The following KIAA0586 variants were observed in gnomAD, a reference collection of about 807,000 sequenced individuals.
The protein encoded by KIAA0586 is protein TALPID3.
In KIAA0586, 144 loss-of-function variants were observed where a neutral mutation model predicts 169.8. The ratio of observed to expected loss-of-function variants is 0.85; its 90% CI spans 0.74 to 0.97. KIAA0586 has a LOEUF of 0.97. Among genes scored for constraint, KIAA0586 ranks in the 50% least tolerant of loss-of-function variants. KIAA0586 has a pLI of 0.00. For missense variants in KIAA0586, 1,854 were observed against 1,823.0 expected, an observed-to-expected ratio of 1.02 and a Z score of -0.31; for synonymous variants, 625 against 612.4, an observed-to-expected ratio of 1.02 and a Z score of -0.30.
At chr14:58,545,696 A>G (rs573138591) in intron 30 of KIAA0586, among the ~76,000 whole-genome samples, 18 of 152,246 alleles carry the variant, frequency 1.2e-4, no homozygotes, top group African/African-American at 4.1e-4. Context: ...TTTAAATATT[A>G]TATATTATTA....
intron 29 of KIAA0586, among the ~76,000 whole-genome samples, chr14:58,519,819 C>G (rs1392048716): frequency 1.3e-5 from 2 of 151,976 alleles, no homozygotes; most frequent in African/African-American, 2.4e-5. Context: ...TGCTATTAAC[C>G]CCAAACAACA....
At chr14:58,561,857 A>T in the KIAA0586 span, among the ~76,000 whole-genome samples, 1 of 151,722 alleles carries the variant, frequency 6.6e-6, no homozygotes, top group East Asian at 1.9e-4. Flanking sequence ...TCCTCTGGAG[A>T]CTAAATTAGA....
intron 29 of KIAA0586, chr14:58,521,180 A>T: frequency 2.9e-6 from 2 of 689,548 alleles, no homozygotes; most frequent in Admixed American, 2.4e-5. Flanking sequence ...TTTGATCTTC[A>T]GCTACATTTT....
Position 58,547,859 on chromosome 14 carries a change from AG to A in KIAA0586, c.4576del (p.Asp1526ThrfsTer6). On this transcript the variant is annotated frameshift_variant, in exon 31 of 31. Coordinates refer to ENST00000652326, the MANE Select transcript of KIAA0586 (RefSeq NM_001329943.3). LOFTEE classifies it high-confidence loss of function. ...MSVMLPSVNL[E>X]DCSQSLSLST... is the part of the protein sequence containing the mutation. ...GTGATGCTGCCGTCAGTGAACCTCG[AG>A]GACTGCTCTCAGTCTCTGAGTCTCA... 1 of 1,613,796 alleles carries A rather than the reference AG, an allele frequency of 6.2e-7. No individual in the cohort carries two copies. The highest frequency in any genetic ancestry group is 8.5e-7 in the Non-Finnish European group (1 of 1,179,738).
Position 58,507,406 on chromosome 14 carries a change from AAT to A in KIAA0586, c.4169-1140_4169-1139del, listed in dbSNP as rs758057081. On this transcript the variant is annotated intron_variant, in intron 27 of 30. Transcript: ENST00000652326. ...ATATGATTTATGTATATAAATTTTA[AAT>A]ATATATATTTAAAACTTAATTTGCA... is the stretch of plus-strand genomic sequence containing the variant. Among the ~76,000 whole-genome samples the A allele has an allele frequency of 2.2e-3, 319 of 147,922 alleles. 2 individuals carry two copies. The highest frequency in any genetic ancestry group is 3.0e-3 in the Non-Finnish European group (201 of 67,198).
chr14:58,528,486 G>T (rs561609941), intron 29 of KIAA0586, among the ~76,000 whole-genome samples: 21 of 152,244 alleles, frequency 1.4e-4, no homozygotes, highest in African/African-American at 5.1e-4. Context: ...CAAAAGAACA[G>T]AAATCATAAT....
intron 20 of KIAA0586, among the ~76,000 whole-genome samples, chr14:58,479,695 T>A (rs2041896290): frequency 6.6e-6 from 1 of 152,220 alleles, no homozygotes; most frequent in Non-Finnish European, 1.5e-5. Flanking sequence ...AGTTAAGTTT[T>A]ATGGTGTGAA....
intron 14 of KIAA0586, 112 bp from the exon 15 acceptor site, chr14:58,465,722 TA>T: frequency 1.6e-6 from 1 of 636,278 alleles, no homozygotes; most frequent in Non-Finnish European, 2.6e-6. Flanking sequence ...TGGGGCCTTG[TA>T]ACCTTATATA....
At chr14:58,484,904 A>ATATATATTTTTATATATATATATATC (rs1566876980) in intron 21 of KIAA0586, among the ~76,000 whole-genome samples, 1 of 4,204 alleles carries the variant, frequency 2.4e-4, no homozygotes, top group Admixed American at 9.1e-3. Flanking sequence ...ATATATATAT[A>ATATATATTTTTATATATATATATATC]TATATATATA....
chr14:58,452,469 G>C (rs2039468638), intron 8 of KIAA0586, among the ~76,000 whole-genome samples: 1 of 151,962 alleles, frequency 6.6e-6, no homozygotes, highest in Non-Finnish European at 1.5e-5. Flanking sequence ...AATAAAGAAG[G>C]CAACCTCACA....
chr14:58,495,799 T>C (rs74573095), intron 26 of KIAA0586, among the ~76,000 whole-genome samples: 4,221 of 152,248 alleles, frequency 0.028, 95 homozygotes, highest in Non-Finnish European at 0.037. Flanking sequence ...AATCAAACTA[T>C]ACTAGGTATA....
At position 58,458,532 on chromosome 14, in the gene KIAA0586, C is replaced by T. The variant is rs1210819125; in HGVS notation, c.1643C>T (p.Ser548Phe). The part of the protein sequence containing the change: ...KTVDEWIKTI[S>F]AEIQDELSRT... ...GTGGATGAATGGATTAAAACTATTT[C>T]TGCAGAAATTCAGGTATGTCTTGGA... The change falls in exon 12 of 31, where the codon TCT becomes TTT. Residue 548 changes from serine (S) to phenylalanine (F), a missense_variant. Transcript: ENST00000652326. The T allele has an allele frequency of 2.0e-6, 3 of 1,534,252 alleles. No individual in the cohort carries two copies. Among genetic ancestry groups the T allele is most frequent in the Middle Eastern group, 1.7e-4 (1 of 5,870 alleles).
At position 58,465,772 on chromosome 14, in the gene KIAA0586, G is replaced by T. The variant is rs957583399; in HGVS notation, c.2060-63G>T. On this transcript the variant is annotated intron_variant, in intron 14 of 30. Transcript: ENST00000652326. ...TCTGTGAAGAGCTGTTGTATTTCTA[G>T]ATGTCTGGATAGTAGATATTCTAAC... 1.1e-5 allele frequency: 11 copies of T among 1,006,110 alleles called. No homozygotes were observed. The African/African-American group carries it at 1.6e-4, about 15-fold the overall frequency. 62.3% of individuals were successfully genotyped at this position (1,006,110 alleles called of 1,614,324 possible).
At position 58,548,348 on chromosome 14, in the gene KIAA0586, C is replaced by G. The variant is rs2047108119; in HGVS notation, c.*416C>G. The G allele has an allele frequency of 6.5e-6, 1 of 154,254 alleles. No homozygotes were observed. Among genetic ancestry groups the G allele is most frequent in the Non-Finnish European group, 1.4e-5 (1 of 69,914 alleles). The allele number at this position is 154,254 out of a possible 1,614,324, so 9.6% of individuals were successfully genotyped here. Reference sequence around the variant, plus strand: ...GTTTTAAAGTGATGGTACATCAGTACAATGGAATACTATGTATTACAAAAA... The same window carrying G: ...GTTTTAAAGTGATGGTACATCAGTAGAATGGAATACTATGTATTACAAAAA... On this transcript the variant is annotated 3_prime_UTR_variant, in exon 31 of 31. Coordinates refer to ENST00000652326, the MANE Select transcript of KIAA0586 (RefSeq NM_001329943.3).
In KIAA0586 at chr14:58,448,327, T is replaced by G. The variant is rs1364907790; in HGVS notation, c.808-13T>G. The G allele has an allele frequency of 2.0e-6, 3 of 1,483,438 alleles. No individual in the cohort carries two copies. Among genetic ancestry groups the G allele is most frequent in the Non-Finnish European group, 2.8e-6 (3 of 1,085,802 alleles). 91.9% of individuals were successfully genotyped at this position (1,483,438 alleles called of 1,614,324 possible). On this transcript the variant is annotated splice_polypyrimidine_tract_variant and intron_variant, in intron 6 of 30. Coordinates refer to ENST00000652326, the MANE Select transcript of KIAA0586 (RefSeq NM_001329943.3). ...GATATTTGAAAATAATAAAATAATC[T>G]TATTTCTTCTAGACTCATTTTATTA...
At chr14:58,532,895 C>G (rs1450984249) in intron 29 of KIAA0586, among the ~76,000 whole-genome samples, 2 of 152,060 alleles carry the variant, frequency 1.3e-5, no homozygotes, top group Admixed American at 6.5e-5. Context: ...TATATACCCA[C>G]AAAAGTCTTT....
chr14:58,467,171 A>G (rs2040834030), intron 15 of KIAA0586, among the ~76,000 whole-genome samples: 1 of 152,220 alleles, frequency 6.6e-6, no homozygotes, highest in Non-Finnish European at 1.5e-5. Context: ...ACACTTTTAA[A>G]GTTCTTACTG....
rs1247583975 is a variant in KIAA0586 at position 58,466,076 on chromosome 14, ATTTG to A, written c.2254+57_2254+60del. The A allele has an allele frequency of 1.1e-5, 15 of 1,363,482 alleles. No homozygotes were observed. The Admixed American group carries it at 1.2e-4, about 11-fold the overall frequency. The allele number at this position is 1,363,482 out of a possible 1,614,324, so 84.5% of individuals were successfully genotyped here. A position where few individuals can be genotyped will look rare whatever the true frequency, so the allele number is the denominator to read the frequency against. On this transcript the variant is annotated intron_variant, in intron 15 of 30. Transcript: ENST00000652326. Reference sequence around the variant, plus strand: ...GGGATGGATTTTATTTTATTTATTTATTTGTTTGTTTGTGTGTTTATTAGAGACG... The same window carrying A: ...GGGATGGATTTTATTTTATTTATTTATTTGTTTGTGTGTTTATTAGAGACG...
intron 27 of KIAA0586, among the ~76,000 whole-genome samples, chr14:58,502,167 G>A (rs942323549): frequency 1.1e-3 from 166 of 151,594 alleles, no homozygotes; most frequent in African/African-American, 3.7e-3. Context: ...ACAGAGTCTC[G>A]CTCTGTTGCC....
Sources: gnomAD v4.1 joint callset for allele counts (sites outside exome capture counted in the v4.1 genomes callset) on GRCh38, gnomAD v4.1.1 for gene constraint, MANE v1.5 for transcripts, NCBI Gene and HGNC (gene_info 2026-07-23, HGNC 2026-07-21) for gene names.